LDB2: variants seen among roughly 807,000 people sequenced by gnomAD.
LDB2 encodes LIM domain binding 2.
LDB2 carries 12 observed loss-of-function variants against 44.3 expected under a neutral mutation model. That is an observed-to-expected ratio of 0.27 (90% CI 0.17 to 0.44). The LOEUF is 0.44. Among genes scored for constraint, LDB2 ranks in the 20% least tolerant of loss-of-function variants. The pLI, the probability that LDB2 is intolerant of heterozygous loss-of-function variation, is 1.00. For synonymous variants in LDB2, 164 were observed against 174.8 expected (o/e 0.94, Z 0.49); for missense variants, 344 against 473.5 (o/e 0.73, Z 2.54).
chr4:16,590,965 T>A (rs976166874), intron 3 of LDB2, among the ~76,000 whole-genome samples: 1 of 152,158 alleles, frequency 6.6e-6, no homozygotes, highest in Non-Finnish European at 1.5e-5. Context: ...CAATTCCCCC[T>A]GGGGTGTCGG....
At position 16,510,524 on chromosome 4, in the gene LDB2, A is replaced by G. The variant is rs573722621; in HGVS notation, c.739+1457T>C. 1.3e-4 allele frequency among the ~76,000 whole-genome samples: 20 copies of G among 152,272 alleles called. No homozygotes were observed. The South Asian group carries it at 4.1e-3, about 32-fold the overall frequency. ...TATAAATTTGGTGCTCTTTTTATTT[A>G]TACTTTGACCATGAAATTGGGGCAA... On this transcript the variant is annotated intron_variant, in intron 6 of 7. Coordinates refer to ENST00000304523, the MANE Select transcript of LDB2 (RefSeq NM_001290.5).
intron 5 of LDB2, among the ~76,000 whole-genome samples, chr4:16,576,838 ATAC>A (rs2152410273): frequency 6.6e-6 from 1 of 152,328 alleles, no homozygotes; most frequent in Admixed American, 6.5e-5. Context: ...CCTCAATAAA[ATAC>A]TATCAAGCCA....
chr4:16,573,151 T>A (rs1264628245), intron 5 of LDB2, among the ~76,000 whole-genome samples: 1 of 152,198 alleles, frequency 6.6e-6, no homozygotes, highest in African/African-American at 2.4e-5. Flanking sequence ...TGGATTTGTA[T>A]GTGTAAAAAT....
rs557649007 is a variant in LDB2 at position 16,721,614 on chromosome 4, T to C, written c.235+37544A>G. Among the ~76,000 whole-genome samples the C allele has an allele frequency of 1.2e-4, 19 of 152,276 alleles. No homozygotes were observed. The South Asian group carries it at 3.9e-3, about 32-fold the overall frequency. On this transcript the variant is annotated intron_variant, in intron 2 of 7. Coordinates refer to ENST00000304523, the MANE Select transcript of LDB2 (RefSeq NM_001290.5). ...AAATGGCAAACTTATTGCACACAAA[T>C]GTATCCATAGGACATGGAGCAACAA...
At chr4:16,742,048 C>A (rs1050060898) in intron 2 of LDB2, among the ~76,000 whole-genome samples, 2 of 147,078 alleles carry the variant, frequency 1.4e-5, no homozygotes, top group Admixed American at 1.4e-4. Context: ...TTTCTTTTTT[C>A]TTTCTTTCTT....
At chr4:16,726,726 A>G (rs1335629100) in intron 2 of LDB2, among the ~76,000 whole-genome samples, 2 of 152,208 alleles carry the variant, frequency 1.3e-5, no homozygotes, top group Non-Finnish European at 2.9e-5. Flanking sequence ...ATCAAACAGA[A>G]TCATTACCAA....
In LDB2 at chr4:16,533,942, A is replaced by C. The variant is rs1218775278; in HGVS notation, c.616-21838T>G. ...CTGCATTAATAATACTCTAAACCAC[A>C]TTCATAATAATATAATTAGCAATAC... On this transcript the variant is annotated intron_variant, in intron 5 of 7. Transcript: ENST00000304523. The surrounding 1 kb of genome is among the most constrained non-coding windows in gnomAD (Gnocchi z 4.1). 6.6e-6 allele frequency among the ~76,000 whole-genome samples: 1 copy of C among 152,204 alleles called. No homozygotes were observed. Among genetic ancestry groups the C allele is most frequent in the African/African-American group, 2.4e-5 (1 of 41,450 alleles).
intron 2 of LDB2, among the ~76,000 whole-genome samples, chr4:16,701,814 A>G (rs1227369223): frequency 6.6e-6 from 1 of 152,142 alleles, no homozygotes; most frequent in Non-Finnish European, 1.5e-5. Context: ...CCTCTTCTGT[A>G]AGTTCGGGAT....
chr4:16,802,981 A>C (rs1579810060), intron 1 of LDB2, among the ~76,000 whole-genome samples: 2 of 152,320 alleles, frequency 1.3e-5, no homozygotes, highest in Middle Eastern at 3.4e-3. Context: ...CTGGAGCCAG[A>C]GACCCCTCGA....
intron 2 of LDB2, among the ~76,000 whole-genome samples, chr4:16,641,753 T>A (rs780836113): frequency 2.6e-5 from 4 of 151,778 alleles, no homozygotes; most frequent in African/African-American, 4.8e-5. Flanking sequence ...AACTTGAGAT[T>A]TGAGGGGGAC....
chr4:16,819,876 T>C (rs1291718047), intron 1 of LDB2, among the ~76,000 whole-genome samples: 1 of 152,118 alleles, frequency 6.6e-6, no homozygotes, highest in African/African-American at 2.4e-5. Context: ...GTATTAAGAG[T>C]CAACATAAAT....
chr4:16,681,618 CTTTTTTTTT>C (rs536589787), intron 2 of LDB2, among the ~76,000 whole-genome samples: 3 of 61,700 alleles, frequency 4.9e-5, no homozygotes, highest in South Asian at 1.5e-3. Flanking sequence ...GTATTCTATT[CTTTTTTTTT>C]TTTTTTTTTT....
intron 2 of LDB2, among the ~76,000 whole-genome samples, chr4:16,746,893 T>A (rs1764510076): frequency 6.6e-6 from 1 of 152,190 alleles, no homozygotes; most frequent in Non-Finnish European, 1.5e-5. Context: ...GGGTTCTGAA[T>A]GAAGATTGTG....
intron 5 of LDB2, among the ~76,000 whole-genome samples, chr4:16,551,292 T>C (rs1737566775): frequency 6.6e-6 from 1 of 152,192 alleles, no homozygotes; most frequent in African/African-American, 2.4e-5. Context: ...TATTGTTCAT[T>C]CTATTCATCT....
At chr4:16,528,343 T>C (rs947144203) in intron 5 of LDB2, among the ~76,000 whole-genome samples, 1 of 152,196 alleles carries the variant, frequency 6.6e-6, no homozygotes, top group African/African-American at 2.4e-5. Flanking sequence ...CACCCGTTCT[T>C]CAAAAACCTA....
At chr4:16,787,177 C>G (rs1774622157) in intron 1 of LDB2, among the ~76,000 whole-genome samples, 1 of 152,096 alleles carries the variant, frequency 6.6e-6, no homozygotes, top group African/African-American at 2.4e-5. Flanking sequence ...CTTTTCCACT[C>G]AATAAACACG....
intron 5 of LDB2, among the ~76,000 whole-genome samples, chr4:16,570,457 T>C (rs12500625): frequency 0.19 from 4,966 of 26,140 alleles, 183 homozygotes; most frequent in East Asian, 0.37. Context: ...AGCAAGACTC[T>C]GTCTCAAAAA....
chr4:16,579,130 C>T (rs2152414814), intron 5 of LDB2, among the ~76,000 whole-genome samples: 1 of 151,664 alleles, frequency 6.6e-6, no homozygotes, highest in Non-Finnish European at 1.5e-5. Flanking sequence ...AACAGGGTGA[C>T]TACAGTAAAA....
intron 2 of LDB2, among the ~76,000 whole-genome samples, chr4:16,696,628 T>C (rs959580441): frequency 1.2e-4 from 18 of 152,180 alleles, no homozygotes; most frequent in Non-Finnish European, 1.6e-4. Context: ...ACTCTCTCTA[T>C]TGTAAACTGG....
Sources: allele counts gnomAD v4.1 joint callset (sites outside exome capture counted in the v4.1 genomes callset), GRCh38; gene constraint gnomAD v4.1.1; non-coding constraint Gnocchi (gnomAD v3.1); transcripts MANE v1.5; gene names NCBI Gene and HGNC (gene_info 2026-07-23, HGNC 2026-07-21).